Variants in CSMD1 observed in about 807,000 individuals in gnomAD.
The protein encoded by CSMD1 is CUB and sushi domain-containing protein 1.
A neutral mutation model predicts 417.5 loss-of-function variants in CSMD1; 213 were observed. The observed-to-expected ratio is 0.51, with a 90% CI of 0.46 to 0.57. The LOEUF is 0.57. CSMD1 is among the 20% of genes least tolerant of loss of function. The pLI is 0.00. For missense variants in CSMD1, 6,923 were observed against 4,529.7 expected (o/e 1.53, Z -15.17); for synonymous variants, 2,862 against 1,736.8 (o/e 1.65, Z -16.11).
intron 5 of CSMD1, among the ~76,000 whole-genome samples, chr8:3,886,849 C>A (rs527680032): frequency 6.6e-6 from 1 of 152,164 alleles, no homozygotes; most frequent in African/African-American, 2.4e-5. Context: ...TCAAAACTTT[C>A]TGCCCTCAAT....
At chr8:4,361,741 G>C (rs1418830344) in intron 3 of CSMD1, among the ~76,000 whole-genome samples, 2 of 151,642 alleles carry the variant, frequency 1.3e-5, no homozygotes, top group Non-Finnish European at 3.0e-5. Flanking sequence ...GGATCACGAG[G>C]TCAGGAGATC....
At chr8:3,398,980 C>T (rs991670932) in intron 16 of CSMD1, among the ~76,000 whole-genome samples, 6 of 152,176 alleles carry the variant, frequency 3.9e-5, no homozygotes, top group African/African-American at 9.7e-5. Flanking sequence ...TAGCTGCCCT[C>T]GAGTGACCAG....
intron 4 of CSMD1, among the ~76,000 whole-genome samples, chr8:4,023,183 C>A (rs1427625354): frequency 6.6e-6 from 1 of 152,174 alleles, no homozygotes; most frequent in Non-Finnish European, 1.5e-5. Context: ...TCACCCAGTG[C>A]AATGTTGCAG....
At chr8:4,518,892 A>C (rs1216971554) in intron 2 of CSMD1, among the ~76,000 whole-genome samples, 1 of 152,152 alleles carries the variant, frequency 6.6e-6, no homozygotes, top group Non-Finnish European at 1.5e-5. Flanking sequence ...TTTTCAAGTA[A>C]ACATTCCCCA....
At chr8:4,110,559 T>G (rs1407216010) in intron 3 of CSMD1, among the ~76,000 whole-genome samples, 3 of 152,194 alleles carry the variant, frequency 2.0e-5, no homozygotes, top group African/African-American at 7.2e-5. Context: ...TTAAACAATT[T>G]TCTGACTAGT....
intron 41 of CSMD1, among the ~76,000 whole-genome samples, chr8:3,141,694 G>T (rs368001348): frequency 1.3e-5 from 2 of 152,052 alleles, no homozygotes; most frequent in Non-Finnish European, 2.9e-5. Flanking sequence ...CATCGCACTC[G>T]GGAACAGCAG....
At chr8:2,942,200 A>T (rs1563166931) in intron 69 of CSMD1, among the ~76,000 whole-genome samples, 1 of 152,090 alleles carries the variant, frequency 6.6e-6, no homozygotes, top group Non-Finnish European at 1.5e-5. Context: ...GAGAGCATCA[A>T]GAAGAACAGC....
At chr8:3,342,907 G>A (rs1010608815) in intron 23 of CSMD1, among the ~76,000 whole-genome samples, 2 of 152,028 alleles carry the variant, frequency 1.3e-5, no homozygotes, top group Non-Finnish European at 2.9e-5. Context: ...GTATGTGTGT[G>A]TGTGTGTGTC....
intron 2 of CSMD1, among the ~76,000 whole-genome samples, chr8:4,539,868 C>G (rs979162269): frequency 4.6e-5 from 7 of 152,130 alleles, no homozygotes; most frequent in African/African-American, 1.7e-4. Context: ...TCACCTTCTG[C>G]CTCAAGACAG....
At chr8:4,179,900 A>G (rs1056804930) in intron 3 of CSMD1, among the ~76,000 whole-genome samples, 12 of 152,198 alleles carry the variant, frequency 7.9e-5, no homozygotes, top group African/African-American at 2.7e-4. Flanking sequence ...ACCAGTTAGA[A>G]TGGCGATCAT....
chr8:4,499,266 G>T (rs892958683), intron 2 of CSMD1, among the ~76,000 whole-genome samples: 1 of 152,202 alleles, frequency 6.6e-6, no homozygotes, highest in Non-Finnish European at 1.5e-5. Flanking sequence ...GCACAGGAAA[G>T]AAGAAAGCAG....
intron 50 of CSMD1, among the ~76,000 whole-genome samples, chr8:3,031,856 C>G (rs1414472235): frequency 8.5e-6 from 1 of 117,552 alleles, no homozygotes; most frequent in African/African-American, 3.3e-5. Flanking sequence ...ATTATTTGCT[C>G]ACATCTCTCT....
Position 2,951,347 on chromosome 8 carries a change from G to C in CSMD1, c.10040-72C>G, listed in dbSNP as rs1802615730. ...ATAAATTCAGACATTATTAAACACAGAAGGCATCATACTGCTTAGCGAGCG... is the reference window on the plus strand; with the variant it reads ...ATAAATTCAGACATTATTAAACACACAAGGCATCATACTGCTTAGCGAGCG... On this transcript the variant is annotated intron_variant, in intron 65 of 69. Coordinates refer to ENST00000635120, the MANE Select transcript of CSMD1 (RefSeq NM_033225.6). 6 of 1,449,688 alleles carry C rather than the reference G, an allele frequency of 4.1e-6. No homozygotes were observed. The Admixed American group carries it at 6.6e-5, about 16-fold the overall frequency. The allele number at this position is 1,449,688 out of a possible 1,614,324, so 89.8% of individuals were successfully genotyped here.
At chr8:3,451,238 G>C (rs1168338619) in intron 12 of CSMD1, among the ~76,000 whole-genome samples, 1 of 152,138 alleles carries the variant, frequency 6.6e-6, no homozygotes, top group East Asian at 1.9e-4. Context: ...TGAGTACATT[G>C]CAAAACATTT....
At chr8:3,830,762 T>C (rs373087182) in intron 5 of CSMD1, among the ~76,000 whole-genome samples, 4 of 152,270 alleles carry the variant, frequency 2.6e-5, no homozygotes, top group African/African-American at 9.6e-5. Flanking sequence ...AAGAACTTAA[T>C]CTCAAGATGA....
intron 3 of CSMD1, among the ~76,000 whole-genome samples, chr8:4,094,260 G>A (rs909145438): frequency 1.3e-5 from 2 of 152,068 alleles, no homozygotes; most frequent in African/African-American, 4.8e-5. Flanking sequence ...TTGTAAATCA[G>A]GGGTGATCTA....
intron 3 of CSMD1, among the ~76,000 whole-genome samples, chr8:4,315,478 C>T (rs1250739034): frequency 6.6e-6 from 1 of 151,996 alleles, no homozygotes; most frequent in Non-Finnish European, 1.5e-5. Context: ...AGGCCTGACT[C>T]AAGATAAAGG....
At chr8:4,753,938 AT>A (rs1217557851) in intron 1 of CSMD1, among the ~76,000 whole-genome samples, 1 of 152,220 alleles carries the variant, frequency 6.6e-6, no homozygotes, top group African/African-American at 2.4e-5. Flanking sequence ...GAGATGCTTT[AT>A]GTGCTGCCAA....
At chr8:3,878,749 T>C (rs1396301718) in intron 5 of CSMD1, among the ~76,000 whole-genome samples, 1 of 152,188 alleles carries the variant, frequency 6.6e-6, no homozygotes, top group African/African-American at 2.4e-5. Flanking sequence ...CCTTGTACTT[T>C]ATGTTGGACA....
Sources: gnomAD v4.1 joint callset for allele counts (sites outside exome capture counted in the v4.1 genomes callset) on GRCh38, gnomAD v4.1.1 for gene constraint, MANE v1.5 for transcripts, NCBI Gene and HGNC (gene_info 2026-07-23, HGNC 2026-07-21) for gene names.